Variants in ITGA6 observed in about 807,000 individuals in gnomAD.
ITGA6 encodes the protein integrin subunit alpha 6.
ITGA6 carries 63 observed loss-of-function variants against 133.6 expected under a neutral mutation model. The observed-to-expected ratio is 0.47, with a 90% confidence interval of 0.38 to 0.58. The LOEUF (loss-of-function observed/expected upper bound fraction) is 0.58, where lower values mean the gene tolerates loss of function less well. Among genes scored for constraint, ITGA6 ranks in the 20% least tolerant of loss-of-function variants. The pLI, the probability that ITGA6 is intolerant of heterozygous loss-of-function variation, is 0.00. For synonymous variants in ITGA6, 434 were observed against 482.0 expected, an observed-to-expected ratio of 0.90 and a Z score of 1.30; for missense variants, 1,068 against 1,309.4, an observed-to-expected ratio of 0.82 and a Z score of 2.85.
rs750980008 is a variant in ITGA6 at position 172,469,278 on chromosome 2, G to A, written c.541G>A (p.Gly181Ser). ...DWSFCDGRLR[G>S]HEKFGSCQQG... ...GAGCTTTTGTGATGGGCGATTGAGA[G>A]GCCATGAGAAATTTGGCTCTTGCCA... The change falls in exon 4 of 26, where the codon GGC becomes AGC. Residue 181 changes from glycine to serine, a missense_variant. Coordinates refer to ENST00000684293, the MANE Select transcript of ITGA6 (RefSeq NM_000210.4). The A allele has an allele frequency of 3.1e-6, 5 of 1,614,136 alleles. No homozygotes were observed. Among genetic ancestry groups the A allele is most frequent in the Non-Finnish European group, 4.2e-6 (5 of 1,180,014 alleles).
intron 1 of ITGA6, among the ~76,000 whole-genome samples, chr2:172,433,546 A>C (rs1684195315): frequency 6.6e-6 from 1 of 152,178 alleles, no homozygotes; most frequent in Admixed American, 6.5e-5. Flanking sequence ...ACATTAGAAT[A>C]GTCCTGGTCC....
intron 1 of ITGA6, among the ~76,000 whole-genome samples, chr2:172,437,103 T>C (rs1684351810): frequency 6.6e-6 from 1 of 152,068 alleles, no homozygotes; most frequent in Admixed American, 6.5e-5. Context: ...AAGCAGTGAG[T>C]CTCCTTGGAG....
At chr2:172,438,539 A>T (rs749880496) in intron 1 of ITGA6, among the ~76,000 whole-genome samples, 2 of 151,804 alleles carry the variant, frequency 1.3e-5, no homozygotes, top group African/African-American at 4.8e-5. Flanking sequence ...GCTCCTTTAC[A>T]TTCTGTTGAT....
intron 1 of ITGA6, among the ~76,000 whole-genome samples, chr2:172,453,555 GT>G (rs1238251047): frequency 2.0e-5 from 3 of 152,088 alleles, no homozygotes; most frequent in Admixed American, 6.5e-5. Context: ...GAATACAAAG[GT>G]TTTTTGTGTT....
chr2:172,429,033 G>C (rs1684001769), intron 1 of ITGA6, among the ~76,000 whole-genome samples: 1 of 152,200 alleles, frequency 6.6e-6, no homozygotes, highest in African/African-American at 2.4e-5. Flanking sequence ...CCAACAGACC[G>C]GAGAAAGCAA....
chr2:172,454,471 A>G lies in ITGA6; in HGVS notation c.183-11068A>G, dbSNP rs149148255. Among the ~76,000 whole-genome samples, 526 of 152,180 alleles carry G rather than the reference A, an allele frequency of 3.5e-3. 1 individual carries two copies. The highest frequency in any genetic ancestry group is 0.014 in the South Asian group (67 of 4,810). ...TGTGAAAGAAGCCCACTGCAGTTCA[A>G]AGAGTAGAGAGTGATGGAGAGGGTT... On this transcript the variant is annotated intron_variant, in intron 1 of 25. Coordinates refer to ENST00000684293, the MANE Select transcript of ITGA6 (RefSeq NM_000210.4).
At position 172,484,817 on chromosome 2, in the gene ITGA6, A is replaced by G; in HGVS notation, c.1585A>G (p.Arg529Gly). ...CACACTTGAAGCTGAAAAAGAAAGA[A>G]GAAAATCTGGGCTATCCTCAAGAGT... ...VGTLEAEKERRKSGLSSRVQF... is the reference protein window; with the variant it reads ...VGTLEAEKERGKSGLSSRVQF... Residue 529 changes from arginine to glycine, a missense_variant, in exon 12 of 26, where the codon AGA becomes GGA. By Grantham distance (125) the Arg-to-Gly change is moderately radical. Around this residue, in one of 3 missense-constraint regions of ITGA6, gnomAD observed 609 missense variants for 707.2 expected, o/e 0.86. Transcript: ENST00000684293. 6.2e-7 allele frequency: 1 copy of G among 1,614,198 alleles called. No homozygotes were observed. Among genetic ancestry groups the G allele is most frequent in the Non-Finnish European group, 8.5e-7 (1 of 1,180,010 alleles).
At chr2:172,465,315 C>T (rs375770696) in intron 1 of ITGA6, 6 of 605,088 alleles carry the variant, frequency 9.9e-6, no homozygotes, top group East Asian at 5.7e-5. Flanking sequence ...CTATTTTCCT[C>T]GTTTTGGTAT....
At chr2:172,475,807 A>C (rs1686149346) in intron 8 of ITGA6, 122 bp downstream of exon 8, 2 of 674,170 alleles carry the variant, frequency 3.0e-6, no homozygotes, top group South Asian at 1.7e-5. Context: ...CAATAGTATA[A>C]ATTTTTTAAA....
chr2:172,465,846 A>T, intron 2 of ITGA6, 183 bp downstream of exon 2: 1 of 879,386 alleles, frequency 1.1e-6, no homozygotes, highest in Admixed American at 2.1e-5. Context: ...TCATACTGGG[A>T]TGCCGCGTGT....
intron 1 of ITGA6, among the ~76,000 whole-genome samples, chr2:172,430,007 T>C (rs561130715): frequency 1.3e-5 from 2 of 152,358 alleles, no homozygotes; most frequent in East Asian, 1.9e-4. Flanking sequence ...AGAAAACTTC[T>C]GGACCAGCTT....
Position 172,505,530 on chromosome 2 carries a change from G to A in ITGA6, c.*1462G>A, listed in dbSNP as rs1167629196. Reference sequence around the variant, plus strand: ...TTTAATTGTAAAAATGGCAGGGGGTGGAATTATTACTCTATACATTCAACA... The same window carrying A: ...TTTAATTGTAAAAATGGCAGGGGGTAGAATTATTACTCTATACATTCAACA... On this transcript the variant is annotated 3_prime_UTR_variant, in exon 26 of 26. Coordinates refer to ENST00000684293, the MANE Select transcript of ITGA6 (RefSeq NM_000210.4). 6.6e-6 allele frequency: 1 copy of A among 152,480 alleles called. No homozygotes were observed. The highest frequency in any genetic ancestry group is 2.4e-5 in the African/African-American group (1 of 41,412). The allele number at this position is 152,480 out of a possible 1,614,324, so 9.4% of individuals were successfully genotyped here.
intron 1 of ITGA6, among the ~76,000 whole-genome samples, chr2:172,442,762 C>T (rs778835969): frequency 1.3e-5 from 2 of 152,092 alleles, no homozygotes; most frequent in African/African-American, 4.8e-5. Context: ...GCCTCTGGAA[C>T]GGGCTGTAAA....
chr2:172,446,536 T>G (rs1235451052), intron 1 of ITGA6, among the ~76,000 whole-genome samples: 1 of 152,234 alleles, frequency 6.6e-6, no homozygotes, highest in Non-Finnish European at 1.5e-5. Context: ...TGCCGAGCAC[T>G]GTGCAAAGGT....
intron 1 of ITGA6, among the ~76,000 whole-genome samples, chr2:172,452,515 G>C (rs886530550): frequency 1.3e-5 from 2 of 152,162 alleles, no homozygotes; most frequent in African/African-American, 4.8e-5. Context: ...GTGGGAGTGC[G>C]AACAAAGAGC....
chr2:172,442,037 G>A (rs949804410), intron 1 of ITGA6, among the ~76,000 whole-genome samples: 31 of 152,158 alleles, frequency 2.0e-4, no homozygotes, highest in Non-Finnish European at 2.6e-4. Flanking sequence ...ATCCTGAGTT[G>A]CTCAGATGAT....
intron 1 of ITGA6, among the ~76,000 whole-genome samples, chr2:172,449,185 G>A (rs2149013389): frequency 6.6e-6 from 1 of 152,288 alleles, no homozygotes; most frequent in East Asian, 1.9e-4. Context: ...GCACTGGGCT[G>A]GAAGCCCTAC....
At chr2:172,433,304 C>G (rs925187578) in intron 1 of ITGA6, among the ~76,000 whole-genome samples, 2 of 152,140 alleles carry the variant, frequency 1.3e-5, no homozygotes, top group South Asian at 2.1e-4. Context: ...AGATCTGTTA[C>G]GTCAGTTTCC....
chr2:172,479,212 C>T (rs1204343275), intron 9 of ITGA6, among the ~76,000 whole-genome samples: 1 of 152,146 alleles, frequency 6.6e-6, no homozygotes, highest in African/African-American at 2.4e-5. Flanking sequence ...GACAAGACCT[C>T]TGAAATGGAT....
Sources: gnomAD v4.1 joint callset for allele counts (sites outside exome capture counted in the v4.1 genomes callset) on GRCh38, gnomAD v4.1.1 for gene constraint, gnomAD v4.1.1 regional missense constraint, MANE v1.5 for transcripts, NCBI Gene and HGNC (gene_info 2026-07-23, HGNC 2026-07-21) for gene names.